Variants in CCDC18 observed in about 807,000 individuals in gnomAD.
CCDC18 encodes the protein coiled-coil domain containing 18.
CCDC18 carries 157 observed loss-of-function variants against 196.0 expected under a neutral mutation model. The observed-to-expected ratio is 0.80, with a 90% confidence interval of 0.70 to 0.91. CCDC18 has a LOEUF of 0.91. Ranked by LOEUF, CCDC18 falls within the 40% of genes least tolerant of loss-of-function variation. CCDC18 has a pLI of 0.00. For synonymous variants in CCDC18, 482 were observed against 529.2 expected (o/e 0.91, Z 1.22); for missense variants, 1,465 against 1,611.6 (o/e 0.91, Z 1.56).
intron 19 of CCDC18, 150 bp from the exon 20 acceptor site, chr1:93,239,160 G>C (rs1660430061): frequency 3.5e-6 from 2 of 566,182 alleles, no homozygotes; most frequent in Non-Finnish European, 3.0e-6. Context: ...TTTTTAGTTG[G>C]AGAATTTTTA....
In CCDC18 at chr1:93,197,805, G is replaced by T. The variant is rs556993427; in HGVS notation, c.698+4061G>T. 5.2e-4 allele frequency among the ~76,000 whole-genome samples: 67 copies of T among 128,552 alleles called. 1 individual carries two copies. Among genetic ancestry groups the T allele is most frequent in the South Asian group, 1.3e-3 (5 of 3,904 alleles). 84.3% of individuals were successfully genotyped at this position (128,552 alleles called of 152,430 possible). A position where few individuals can be genotyped will look rare whatever the true frequency, so the allele number is the denominator to read the frequency against. On this transcript the variant is annotated intron_variant, in intron 6 of 28. Transcript: ENST00000690025. The stretch of plus-strand genomic sequence containing the variant: ...CTCGCTCTGTCGCCCAGGCTGGAGT[G>T]CAGTGGCGCGATCTCGGCTCACTGC...
intron 16 of CCDC18, 31 bp downstream of exon 16, chr1:93,221,967 T>TTGC: frequency 7.1e-7 from 1 of 1,414,744 alleles, no homozygotes; most frequent in East Asian, 2.4e-5. Context: ...TTTTTCTTTC[T>TTGC]TTCCTTTTTT....
chr1:93,267,142 A>G (rs1368284580), intron 27 of CCDC18, among the ~76,000 whole-genome samples: 1 of 152,236 alleles, frequency 6.6e-6, no homozygotes, highest in African/African-American at 2.4e-5. Flanking sequence ...GGTTCAACAT[A>G]CGCAAATCAA....
intron 4 of CCDC18, among the ~76,000 whole-genome samples, chr1:93,187,575 T>C (rs112422100): frequency 1.2e-3 from 178 of 152,246 alleles, no homozygotes; most frequent in African/African-American, 4.1e-3. Context: ...ATAAACATTG[T>C]ATACATACAT....
intron 23 of CCDC18, among the ~76,000 whole-genome samples, chr1:93,247,490 C>A (rs1032306816): frequency 6.6e-6 from 1 of 152,132 alleles, no homozygotes; most frequent in African/African-American, 2.4e-5. Context: ...TCATAGCTCA[C>A]TGCCGCCTCA....
intron 28 of CCDC18, chr1:93,271,617 T>C (rs1665266230): frequency 3.4e-6 from 3 of 884,770 alleles, no homozygotes; most frequent in African/African-American, 1.8e-5. Flanking sequence ...GGAGGATTAT[T>C]TGAGCCCAGG....
intron 8 of CCDC18, 151 bp from the exon 9 acceptor site, chr1:93,206,956 C>T (rs943054752): frequency 1.5e-5 from 7 of 482,542 alleles, no homozygotes; most frequent in African/African-American, 4.0e-5. Flanking sequence ...GTTGTGAGTG[C>T]CTGGCATGCA....
intron 17 of CCDC18, among the ~76,000 whole-genome samples, chr1:93,231,305 A>G (rs1448177529): frequency 6.6e-6 from 1 of 152,146 alleles, no homozygotes; most frequent in Admixed American, 6.5e-5. Flanking sequence ...ACAACAAGAA[A>G]ACTTCTAAAG....
rs139560182 is a variant in CCDC18, at chr1:93,242,174, T to C, written c.2981+2278T>C. Among the ~76,000 whole-genome samples, 1,336 of 152,230 alleles carry C rather than the reference T, an allele frequency of 8.8e-3. 14 individuals are homozygous for C. Among genetic ancestry groups the C allele is most frequent in the African/African-American group, 0.022 (897 of 41,542 alleles). ...ATCAGATGAATGGATAAACAAAATA[T>C]AGTGTCTTAGTCCGTTTTCATGCTG... On this transcript the variant is annotated intron_variant, in intron 21 of 28. Coordinates refer to ENST00000690025, the MANE Select transcript of CCDC18 (RefSeq NM_001378204.1).
intron 16 of CCDC18, among the ~76,000 whole-genome samples, chr1:93,224,292 T>A (rs1390436472): frequency 1.3e-5 from 2 of 152,136 alleles, no homozygotes; most frequent in Non-Finnish European, 2.9e-5. Flanking sequence ...ACGGATGTCA[T>A]AATACTTTAC....
At chr1:93,184,541 T>C (rs1650293839) in intron 3 of CCDC18, among the ~76,000 whole-genome samples, 1 of 151,958 alleles carries the variant, frequency 6.6e-6, no homozygotes, top group Non-Finnish European at 1.5e-5. Flanking sequence ...TTGGATAGTA[T>C]GGCACTGTTC....
intron 4 of CCDC18, among the ~76,000 whole-genome samples, chr1:93,187,404 T>C (rs1650898287): frequency 2.0e-5 from 3 of 151,976 alleles, no homozygotes; most frequent in Admixed American, 6.6e-5. Flanking sequence ...ATAATACTCT[T>C]AGTTTTCCTC....
rs192870452 is a variant in CCDC18, at chr1:93,219,082, G to A, written c.1962+1213G>A. 1.3e-4 allele frequency among the ~76,000 whole-genome samples: 20 copies of A among 152,296 alleles called. No individual in the cohort carries two copies. The East Asian group carries it at 3.7e-3, about 28-fold the overall frequency. On this transcript the variant is annotated intron_variant, in intron 14 of 28. Transcript: ENST00000690025. ...CTTGTTTCAGGGGATCTTTGCTGAA[G>A]TCTTAATATATACTCAATATTTTCT...
intron 4 of CCDC18, chr1:93,191,034 C>A: frequency 1.1e-6 from 1 of 919,118 alleles, no homozygotes; most frequent in Admixed American, 1.7e-5. Context: ...TACAGAAAGT[C>A]CTGCAGGTTT....
Position 93,233,684 on chromosome 1 carries a change from C to T in CCDC18, c.2460+1091C>T, listed in dbSNP as rs776432315. Among the ~76,000 whole-genome samples the T allele has an allele frequency of 4.6e-5, 7 of 152,020 alleles. No homozygotes were observed. The East Asian group carries it at 9.7e-4, about 21-fold the overall frequency. ...CGCGATCTCAGCTCACTGCAACCTC[C>T]GCCTCCCGGGTTCAAGCGATTCTCC... On this transcript the variant is annotated intron_variant, in intron 18 of 28. Transcript: ENST00000690025.
At chr1:93,219,938 T>C (rs1434606001) in intron 14 of CCDC18, among the ~76,000 whole-genome samples, 1 of 152,210 alleles carries the variant, frequency 6.6e-6, no homozygotes, top group East Asian at 1.9e-4. Context: ...GGGAAGGACC[T>C]GGAAGATCTG....
At chr1:93,249,076 A>G (rs1265640249) in intron 23 of CCDC18, among the ~76,000 whole-genome samples, 2 of 151,738 alleles carry the variant, frequency 1.3e-5, no homozygotes, top group Non-Finnish European at 2.9e-5. Context: ...AGAATTCAGC[A>G]GTGAATGTAT....
chr1:93,212,790 A>G (rs505531), intron 11 of CCDC18, among the ~76,000 whole-genome samples: 125,829 of 152,156 alleles, frequency 0.83, 52,261 homozygotes, highest in East Asian at 1. Context: ...GACCAGGGAC[A>G]GGGTCAGGGT....
In CCDC18 at chr1:93,184,153, G is replaced by A; in HGVS notation, c.303+7G>A. ...AAAAAAGCCAAGAGATAAGGTTATT[G>A]TTTTTAGACCTATCTAGTTAAAAGA... On this transcript the variant is annotated splice_region_variant and intron_variant, in intron 3 of 28. Coordinates refer to ENST00000690025, the MANE Select transcript of CCDC18 (RefSeq NM_001378204.1). 2.7e-6 allele frequency: 4 copies of A among 1,457,198 alleles called. No homozygotes were observed. Among genetic ancestry groups the A allele is most frequent in the Non-Finnish European group, 3.7e-6 (4 of 1,091,162 alleles). 90.3% of individuals were successfully genotyped at this position (1,457,198 alleles called of 1,614,324 possible). A position where few individuals can be genotyped will look rare whatever the true frequency, so the allele number is the denominator to read the frequency against.
Sources: gnomAD v4.1 joint callset for allele counts (sites outside exome capture counted in the v4.1 genomes callset) on GRCh38, gnomAD v4.1.1 for gene constraint, MANE v1.5 for transcripts, NCBI Gene and HGNC (gene_info 2026-07-23, HGNC 2026-07-21) for gene names.